Variants in CNTN4 observed in about 807,000 individuals in gnomAD.
CNTN4 encodes the protein contactin 4, also known as contactin-4.
CNTN4 carries 77 observed loss-of-function variants against 122.5 expected under a neutral mutation model. The ratio of observed to expected loss-of-function variants is 0.63; its 90% CI spans 0.52 to 0.76. The LOEUF (loss-of-function observed/expected upper bound fraction) is 0.76. Ranked by LOEUF, CNTN4 falls within the 30% of genes least tolerant of loss-of-function variation. The pLI, the probability that CNTN4 is intolerant of heterozygous loss-of-function variation, is 0.00. For missense variants in CNTN4, 1,256 were observed against 1,259.1 expected, an observed-to-expected ratio of 1.00 and a Z score of 0.04; for synonymous variants, 512 against 447.0, an observed-to-expected ratio of 1.15 and a Z score of -1.83.
chr3:2,386,931 G>A (rs1434881225), intron 3 of CNTN4, among the ~76,000 whole-genome samples: 3 of 152,178 alleles, frequency 2.0e-5, no homozygotes, highest in South Asian at 2.1e-4. Flanking sequence ...AATCATGCAT[G>A]TGGCAAACCC....
intron 2 of CNTN4, among the ~76,000 whole-genome samples, chr3:2,204,848 A>T (rs2038267801): frequency 6.6e-6 from 1 of 152,184 alleles, no homozygotes; most frequent in African/African-American, 2.4e-5. Flanking sequence ...TGGATAATTG[A>T]GAAAGCTGAG....
intron 3 of CNTN4, among the ~76,000 whole-genome samples, chr3:2,467,277 G>T (rs1046850435): frequency 2.4e-4 from 37 of 151,892 alleles, no homozygotes; most frequent in Admixed American, 7.2e-4. Flanking sequence ...TTAGTTTCTA[G>T]CTAGAGTCCC....
chr3:2,616,889 GA>G (rs2081768260), intron 4 of CNTN4, among the ~76,000 whole-genome samples: 1 of 152,078 alleles, frequency 6.6e-6, no homozygotes, highest in African/African-American at 2.4e-5. Flanking sequence ...AAGCAATGGG[GA>G]AAGGATCTCC....
chr3:2,357,618 C>T (rs2044927251), intron 3 of CNTN4, among the ~76,000 whole-genome samples: 1 of 152,134 alleles, frequency 6.6e-6, no homozygotes, highest in East Asian at 1.9e-4. Context: ...ATTTTGACAG[C>T]TGAGAGTATA....
chr3:2,252,723 G>T (rs1015235318), intron 2 of CNTN4, among the ~76,000 whole-genome samples: 1 of 152,022 alleles, frequency 6.6e-6, no homozygotes, highest in Non-Finnish European at 1.5e-5. Context: ...ATCCCTTTAA[G>T]TACATCTTGG....
At chr3:2,147,329 T>C (rs763569934) in intron 2 of CNTN4, among the ~76,000 whole-genome samples, 6 of 152,158 alleles carry the variant, frequency 3.9e-5, no homozygotes, top group South Asian at 2.1e-4. Flanking sequence ...ATTTTAACTA[T>C]GTGTGTTCTT....
intron 2 of CNTN4, among the ~76,000 whole-genome samples, chr3:2,196,598 A>G (rs2037843816): frequency 1.3e-5 from 2 of 152,248 alleles, no homozygotes; most frequent in East Asian, 3.9e-4. Flanking sequence ...ATCATTCAAC[A>G]GTTACTAGTA....
At chr3:2,111,610 T>C (rs1462380430) in intron 2 of CNTN4, among the ~76,000 whole-genome samples, 2 of 152,196 alleles carry the variant, frequency 1.3e-5, no homozygotes, top group African/African-American at 4.8e-5. Context: ...CAGTGATTCA[T>C]ATCCTGTCTC....
At chr3:2,666,298 C>G (rs2084157885) in intron 4 of CNTN4, among the ~76,000 whole-genome samples, 3 of 152,132 alleles carry the variant, frequency 2.0e-5, no homozygotes, top group South Asian at 4.1e-4. Context: ...CTTCCAGAGT[C>G]TTGTTTTTGT....
chr3:3,011,894 T>A (rs1697271888), intron 14 of CNTN4, among the ~76,000 whole-genome samples: 1 of 150,324 alleles, frequency 6.7e-6, no homozygotes, highest in Non-Finnish European at 1.5e-5. Flanking sequence ...ATGATGGTGA[T>A]GATGACAGTG....
At position 3,026,443 on chromosome 3, in the gene CNTN4, C is replaced by G. The variant is rs7618862; in HGVS notation, c.1662+166C>G. On this transcript the variant is annotated intron_variant, in intron 15 of 24. Transcript: ENST00000418658. Reference sequence around the variant, plus strand: ...AATAAATGTGGCATCACTCATTGAACAACTCTATATGGCAGGACTGCTCCC... The same window carrying G: ...AATAAATGTGGCATCACTCATTGAAGAACTCTATATGGCAGGACTGCTCCC... Among the ~76,000 whole-genome samples the G allele has an allele frequency of 0.57, 85,997 of 151,984 alleles. 24,757 individuals carry two copies. The highest frequency in any genetic ancestry group is 0.63 in the Middle Eastern group (186 of 294).
chr3:2,305,834 G>T (rs965659701), intron 2 of CNTN4, among the ~76,000 whole-genome samples: 1 of 152,072 alleles, frequency 6.6e-6, no homozygotes, highest in Non-Finnish European at 1.5e-5. Flanking sequence ...TGTACAATCT[G>T]CCTGTATAGA....
chr3:2,178,532 A>G (rs2149272227), intron 2 of CNTN4, among the ~76,000 whole-genome samples: 1 of 152,230 alleles, frequency 6.6e-6, no homozygotes, highest in East Asian at 1.9e-4. Flanking sequence ...GACTTATGTT[A>G]GGCTTGAATC....
At chr3:2,631,018 T>C (rs2082408121) in intron 4 of CNTN4, among the ~76,000 whole-genome samples, 1 of 152,164 alleles carries the variant, frequency 6.6e-6, no homozygotes, top group African/African-American at 2.4e-5. Context: ...TCTATATTGG[T>C]GGAGGTGGGA....
At chr3:2,667,623 T>G (rs1224599381) in intron 4 of CNTN4, among the ~76,000 whole-genome samples, 1 of 149,050 alleles carries the variant, frequency 6.7e-6, no homozygotes. Flanking sequence ...ATTTTGGCTT[T>G]TGTTGCCATT....
At chr3:2,853,672 T>C (rs1250499065) in intron 7 of CNTN4, among the ~76,000 whole-genome samples, 2 of 152,202 alleles carry the variant, frequency 1.3e-5, no homozygotes, top group Non-Finnish European at 2.9e-5. Context: ...TAGTTTCTTC[T>C]CCCAGACCAG....
intron 7 of CNTN4, among the ~76,000 whole-genome samples, chr3:2,863,596 C>CAGTT (rs1294528864): frequency 6.6e-6 from 1 of 151,984 alleles, no homozygotes; most frequent in African/African-American, 2.4e-5. Flanking sequence ...TGAAGTAATA[C>CAGTT]AGTTAATAAT....
At chr3:2,384,483 G>A (rs1266401156) in intron 3 of CNTN4, among the ~76,000 whole-genome samples, 4 of 152,196 alleles carry the variant, frequency 2.6e-5, no homozygotes, top group Non-Finnish European at 5.9e-5. Context: ...GTTAGAGAAT[G>A]CCAAGAAGAG....
intron 2 of CNTN4, among the ~76,000 whole-genome samples, chr3:2,268,004 G>T (rs1022807603): frequency 7.2e-5 from 11 of 152,088 alleles, no homozygotes; most frequent in African/African-American, 2.4e-4. Context: ...AGAAGGTGTG[G>T]TTCATAGGAA....
Sources: gnomAD v4.1 joint callset for allele counts (sites outside exome capture counted in the v4.1 genomes callset) on GRCh38, gnomAD v4.1.1 for gene constraint, MANE v1.5 for transcripts, NCBI Gene and HGNC (gene_info 2026-07-23, HGNC 2026-07-21) for gene names.